Variants in KCNMB2 observed in about 807,000 individuals in gnomAD.
KCNMB2 encodes calcium-activated potassium channel subunit beta-2.
A neutral mutation model predicts 24.5 loss-of-function variants in KCNMB2; 9 were observed. That is an observed-to-expected ratio of 0.37 (90% CI 0.22 to 0.64). The LOEUF (loss-of-function observed/expected upper bound fraction) is 0.64. KCNMB2 is among the 30% of genes least tolerant of loss of function. KCNMB2 has a pLI of 0.63. For missense variants in KCNMB2, 226 were observed against 284.3 expected (o/e 0.79, Z 1.47); for synonymous variants, 109 against 104.4 (o/e 1.04, Z -0.27).
At chr3:178,561,447 T>G (rs1264186925) in intron 1 of KCNMB2, among the ~76,000 whole-genome samples, 1 of 152,100 alleles carries the variant, frequency 6.6e-6, no homozygotes, top group African/African-American at 2.4e-5. Context: ...GACAGCTGAG[T>G]TCTATTCTTG....
At chr3:178,727,579 G>A (rs992241746) in intron 1 of KCNMB2, among the ~76,000 whole-genome samples, 5 of 152,152 alleles carry the variant, frequency 3.3e-5, no homozygotes, top group African/African-American at 1.2e-4. Flanking sequence ...GCTATGGTCA[G>A]AGAGAGACAT....
chr3:178,776,499 A>G (rs1712585882), intron 1 of KCNMB2, among the ~76,000 whole-genome samples: 1 of 152,200 alleles, frequency 6.6e-6, no homozygotes, highest in Non-Finnish European at 1.5e-5. Context: ...AATATGATCG[A>G]GTGGCTGACT....
chr3:178,825,641 T>C lies in KCNMB2; in HGVS notation c.110T>C (p.Val37Ala). 6.2e-7 allele frequency: 1 copy of C among 1,613,946 alleles called. No individual in the cohort carries two copies. Among genetic ancestry groups the C allele is most frequent in the South Asian group, 1.1e-5 (1 of 91,062 alleles). Residue 37 changes from valine (V) to alanine (A), a missense_variant, in exon 3 of 5, where the codon GTC becomes GCC. Val to Ala is a moderately conservative substitution (Grantham distance 64). Coordinates refer to ENST00000452583, the MANE Select transcript of KCNMB2 (RefSeq NM_181361.3). ...DHDLLDKRKT[V>A]TALKAGEDRA... is the part of the protein sequence containing the mutation. ...GACCTCCTGGACAAAAGGAAAACAG[T>C]CACAGCACTGAAGGCAGGAGAGGAC...
At chr3:178,783,148 T>C (rs1272051194) in intron 1 of KCNMB2, among the ~76,000 whole-genome samples, 1 of 152,166 alleles carries the variant, frequency 6.6e-6, no homozygotes, top group African/African-American at 2.4e-5. Context: ...TCCACTGATC[T>C]ATATCTCTGT....
intron 1 of KCNMB2, among the ~76,000 whole-genome samples, chr3:178,638,803 G>A (rs1269655127): frequency 6.6e-6 from 1 of 152,144 alleles, no homozygotes; most frequent in African/African-American, 2.4e-5. Flanking sequence ...GGCTGTTCTG[G>A]TACAGACTAC....
intron 1 of KCNMB2, among the ~76,000 whole-genome samples, chr3:178,642,697 G>A (rs929825999): frequency 1.3e-5 from 2 of 152,152 alleles, no homozygotes; most frequent in Non-Finnish European, 2.9e-5. Context: ...TGAAAATCTT[G>A]CAGTGTAATC....
At chr3:178,750,414 A>G (rs1449443585) in intron 1 of KCNMB2, among the ~76,000 whole-genome samples, 2 of 152,176 alleles carry the variant, frequency 1.3e-5, no homozygotes, top group African/African-American at 4.8e-5. Context: ...CAAAACAAAA[A>G]AACACTGCTC....
intron 1 of KCNMB2, among the ~76,000 whole-genome samples, chr3:178,639,435 A>G (rs9847348): frequency 0.36 from 54,574 of 152,118 alleles, 10,386 homozygotes; most frequent in African/African-American, 0.49. Context: ...GACAAGGATT[A>G]AATCCTTCCT....
chr3:178,765,555 A>G (rs145816515), intron 1 of KCNMB2, among the ~76,000 whole-genome samples: 1 of 150,944 alleles, frequency 6.6e-6, no homozygotes, highest in Admixed American at 6.6e-5. Context: ...TTCTTCCACA[A>G]TCCCATTCAC....
chr3:178,587,355 G>C (rs1421744832), intron 1 of KCNMB2, among the ~76,000 whole-genome samples: 1 of 152,154 alleles, frequency 6.6e-6, no homozygotes, highest in Non-Finnish European at 1.5e-5. Flanking sequence ...GAGGGTGGAA[G>C]AAGGACCCCT....
chr3:178,642,232 A>C (rs1421920435), intron 1 of KCNMB2, among the ~76,000 whole-genome samples: 1 of 152,190 alleles, frequency 6.6e-6, no homozygotes, highest in Non-Finnish European at 1.5e-5. Context: ...CAAATGATGG[A>C]AATAGTCTCC....
chr3:178,568,831 TGATAGATA>T (rs71810920), intron 1 of KCNMB2, among the ~76,000 whole-genome samples: 15,684 of 115,142 alleles, frequency 0.14, 1,266 homozygotes, highest in South Asian at 0.18. Flanking sequence ...GATAGATAGA[TGATAGATA>T]GATAGATAGA....
At chr3:178,757,184 C>G (rs1240654256) in intron 1 of KCNMB2, 2 of 109,094 alleles carry the variant, frequency 1.8e-5, no homozygotes, top group South Asian at 5.5e-4. Flanking sequence ...AGAAGTAAAA[C>G]CAAAAAAAAA....
intron 1 of KCNMB2, among the ~76,000 whole-genome samples, chr3:178,580,753 A>C (rs2108489063): frequency 1.3e-5 from 2 of 152,266 alleles, no homozygotes; most frequent in Middle Eastern, 6.8e-3. Context: ...ATCATGAGTG[A>C]ACTCCCATTC....
At chr3:178,763,566 C>T (rs1220453030) in intron 1 of KCNMB2, among the ~76,000 whole-genome samples, 1 of 152,152 alleles carries the variant, frequency 6.6e-6, no homozygotes, top group Admixed American at 6.5e-5. Flanking sequence ...AAATAAGCTT[C>T]AGGTGAATGC....
At chr3:178,753,174 A>T (rs1170441056) in intron 1 of KCNMB2, among the ~76,000 whole-genome samples, 1 of 152,202 alleles carries the variant, frequency 6.6e-6, no homozygotes, top group African/African-American at 2.4e-5. Context: ...TCATGTAGTG[A>T]TAGTTATGTC....
At chr3:178,659,758 T>C (rs1720460711) in intron 1 of KCNMB2, among the ~76,000 whole-genome samples, 1 of 152,210 alleles carries the variant, frequency 6.6e-6, no homozygotes, top group Non-Finnish European at 1.5e-5. Flanking sequence ...GAAAGTTATG[T>C]TAATTAAATG....
intron 4 of KCNMB2, among the ~76,000 whole-genome samples, chr3:178,831,100 G>C (rs1437574760): frequency 4.3e-5 from 4 of 92,126 alleles, no homozygotes; most frequent in Non-Finnish European, 8.4e-5. Context: ...TATGGATCAA[G>C]TTTCTTTTTT....
chr3:178,692,192 TTGTC>T (rs1480778121), intron 1 of KCNMB2, among the ~76,000 whole-genome samples: 2 of 152,230 alleles, frequency 1.3e-5, no homozygotes, highest in African/African-American at 4.8e-5. Context: ...ATTCTGTAGG[TTGTC>T]TGTTTACTCT....
Sources: allele counts gnomAD v4.1 joint callset (sites outside exome capture counted in the v4.1 genomes callset), GRCh38; gene constraint gnomAD v4.1.1; transcripts MANE v1.5; gene names NCBI Gene and HGNC (gene_info 2026-07-23, HGNC 2026-07-21).